Variants in PHACTR1 observed in about 807,000 individuals in gnomAD.
PHACTR1 encodes the protein RPEL repeat containing 1.
PHACTR1 carries 16 observed loss-of-function variants against 69.2 expected under a neutral mutation model. That is an observed-to-expected ratio of 0.23 (90% CI 0.16 to 0.35). PHACTR1 has a LOEUF of 0.35. PHACTR1 is among the 10% of genes least tolerant of loss of function. The pLI, the probability that PHACTR1 is intolerant of heterozygous loss-of-function variation, is 1.00. For missense variants in PHACTR1, 510 were observed against 734.7 expected (o/e 0.69, Z 3.54); for synonymous variants, 312 against 284.5 (o/e 1.10, Z -0.97).
chr6:13,160,310 C>A, intron 6 of PHACTR1, 26 bp downstream of exon 6: 2 of 1,593,078 alleles, frequency 1.3e-6, no homozygotes, highest in African/African-American at 1.3e-5. Flanking sequence ...CTGTCATCCC[C>A]GGGTCAAAGA....
At chr6:13,110,909 TTTTTG>T (rs1404503916) in intron 5 of PHACTR1, among the ~76,000 whole-genome samples, 3 of 151,162 alleles carry the variant, frequency 2.0e-5, no homozygotes, top group Admixed American at 2.0e-4. Flanking sequence ...GTGCCCTGGG[TTTTTG>T]TTTTTTGTTT....
chr6:12,870,808 T>C (rs944242297), intron 4 of PHACTR1, among the ~76,000 whole-genome samples: 5 of 152,130 alleles, frequency 3.3e-5, no homozygotes, highest in Admixed American at 6.5e-5. Context: ...CTTGGACTGG[T>C]GAGTTGGGAA....
At chr6:13,180,565 A>G (rs1326987006) in intron 6 of PHACTR1, among the ~76,000 whole-genome samples, 4 of 152,158 alleles carry the variant, frequency 2.6e-5, no homozygotes, top group African/African-American at 7.2e-5. Context: ...CCTTCCCCCA[A>G]AGAAGCAGAA....
chr6:12,789,628 C>A (rs1043866018), intron 4 of PHACTR1, among the ~76,000 whole-genome samples: 1 of 152,154 alleles, frequency 6.6e-6, no homozygotes, highest in Non-Finnish European at 1.5e-5. Context: ...CTGGACTCTT[C>A]ATTCCCACCA....
intron 5 of PHACTR1, among the ~76,000 whole-genome samples, chr6:13,060,542 A>G (rs1807518001): frequency 6.6e-6 from 1 of 152,178 alleles, no homozygotes; most frequent in Admixed American, 6.5e-5. Flanking sequence ...CTGAGAAGTG[A>G]GGAGTAGGTG....
intron 4 of PHACTR1, chr6:12,933,946 G>A (rs1789163824): frequency 6.3e-7 from 1 of 1,594,914 alleles, no homozygotes; most frequent in Non-Finnish European, 8.5e-7. Flanking sequence ...GTTGGCGTGT[G>A]TATTCATTTC....
At chr6:12,950,951 A>G (rs1791216082) in intron 4 of PHACTR1, among the ~76,000 whole-genome samples, 1 of 152,196 alleles carries the variant, frequency 6.6e-6, no homozygotes, top group African/African-American at 2.4e-5. Flanking sequence ...GGCACAAGTC[A>G]TGACACAAAT....
In PHACTR1 at chr6:12,752,557, A is replaced by G. The variant is rs1436228376; in HGVS notation, c.250+2767A>G. The stretch of plus-strand genomic sequence containing the variant: ...GTAATTATACATAAACCCATGTTTG[A>G]TATTTTAGAGGTTTAGCAATGCTTC... On this transcript the variant is annotated intron_variant, in intron 4 of 14. Transcript: ENST00000332995. 2.0e-5 allele frequency among the ~76,000 whole-genome samples: 3 copies of G among 152,184 alleles called. No homozygotes were observed. The East Asian group carries it at 5.8e-4, about 29-fold the overall frequency.
chr6:12,877,797 A>G (rs1396318226), intron 4 of PHACTR1, among the ~76,000 whole-genome samples: 1 of 152,166 alleles, frequency 6.6e-6, no homozygotes, highest in Non-Finnish European at 1.5e-5. Context: ...ATAAGTTCTC[A>G]ACTGCACTGT....
intron 5 of PHACTR1, among the ~76,000 whole-genome samples, chr6:13,083,774 G>A (rs1811802658): frequency 6.6e-6 from 1 of 152,078 alleles, no homozygotes; most frequent in African/African-American, 2.4e-5. Flanking sequence ...AAGAATGCTT[G>A]TGATTTTTGT....
intron 4 of PHACTR1, among the ~76,000 whole-genome samples, chr6:12,875,349 C>T (rs1285419226): frequency 1.3e-5 from 2 of 152,342 alleles, no homozygotes; most frequent in Non-Finnish European, 2.9e-5. Flanking sequence ...AACTCAGCAA[C>T]ATTTCTCAAG....
At chr6:13,022,934 C>T (rs140612513) in intron 4 of PHACTR1, among the ~76,000 whole-genome samples, 4 of 152,066 alleles carry the variant, frequency 2.6e-5, no homozygotes, top group African/African-American at 9.6e-5. Context: ...GGAGGATCAC[C>T]TGAGCCCAGG....
At chr6:13,247,670 A>G (rs1773778625) in intron 10 of PHACTR1, among the ~76,000 whole-genome samples, 1 of 152,086 alleles carries the variant, frequency 6.6e-6, no homozygotes, top group South Asian at 2.1e-4. Flanking sequence ...AAAGATGCCA[A>G]GACAGATAAT....
At chr6:12,916,093 T>G (rs1326479263) in intron 4 of PHACTR1, among the ~76,000 whole-genome samples, 1 of 152,206 alleles carries the variant, frequency 6.6e-6, no homozygotes, top group Admixed American at 6.5e-5. Context: ...TTGGTATCTC[T>G]GCCTGCTCAG....
At position 12,749,891 on chromosome 6, in the gene PHACTR1, C is replaced by G. The variant is rs892896460; in HGVS notation, c.250+101C>G. 4.4e-6 allele frequency: 5 copies of G among 1,130,902 alleles called. No homozygotes were observed. In the African/African-American group the frequency reaches 4.8e-5, roughly 11 times the overall value. 70.1% of individuals were successfully genotyped at this position (1,130,902 alleles called of 1,614,324 possible). On this transcript the variant is annotated intron_variant, in intron 4 of 14. Coordinates refer to ENST00000332995, the MANE Select transcript of PHACTR1 (RefSeq NM_030948.6). ...CCCGGGCGTCCTCCCCGCCGCCCCC[C>G]GCAGTCGGGCGCTCAGCACTCGCGC... is the stretch of plus-strand genomic sequence containing the variant.
chr6:12,844,320 C>A (rs1478062239), intron 4 of PHACTR1, among the ~76,000 whole-genome samples: 4 of 151,996 alleles, frequency 2.6e-5, no homozygotes, highest in Non-Finnish European at 5.9e-5. Flanking sequence ...CCCCTTGAGC[C>A]CAGGAAGTTG....
chr6:12,998,315 T>C (rs755597668), intron 4 of PHACTR1, among the ~76,000 whole-genome samples: 59 of 152,066 alleles, frequency 3.9e-4, no homozygotes, highest in Non-Finnish European at 1.8e-4. Flanking sequence ...AGAAAAGAAT[T>C]TATTTAAAAG....
chr6:12,720,067 A>G (rs1761903297), intron 3 of PHACTR1, among the ~76,000 whole-genome samples: 1 of 152,212 alleles, frequency 6.6e-6, no homozygotes, highest in South Asian at 2.1e-4. Context: ...ACACATAAAA[A>G]TGTGAGTGAA....
intron 4 of PHACTR1, among the ~76,000 whole-genome samples, chr6:12,846,543 A>T (rs1035842416): frequency 3.3e-5 from 5 of 152,206 alleles, no homozygotes; most frequent in Non-Finnish European, 7.3e-5. Flanking sequence ...GCATGCACTG[A>T]TGTTACTTAC....
Sources: gnomAD v4.1 joint callset for allele counts (sites outside exome capture counted in the v4.1 genomes callset) on GRCh38, gnomAD v4.1.1 for gene constraint, MANE v1.5 for transcripts, NCBI Gene and HGNC (gene_info 2026-07-23, HGNC 2026-07-21) for gene names.